Variants in RBFOX1 observed in about 807,000 individuals in gnomAD.
The protein encoded by RBFOX1 is RNA binding fox-1 homolog 1, also known as RNA binding protein fox-1 homolog 1.
In RBFOX1, 8 loss-of-function variants were observed where a neutral mutation model predicts 57.7. The observed-to-expected ratio is 0.14, with a 90% CI of 0.08 to 0.25. The LOEUF is 0.25. RBFOX1 is among the 10% of genes least tolerant of loss of function. RBFOX1 has a pLI of 1.00. For synonymous variants in RBFOX1, 326 were observed against 222.4 expected (o/e 1.47, Z -4.15); for missense variants, 611 against 548.5 (o/e 1.11, Z -1.14).
intron 4 of RBFOX1, among the ~76,000 whole-genome samples, chr16:7,311,908 G>A (rs918609473): frequency 6.6e-6 from 1 of 152,230 alleles, no homozygotes; most frequent in African/African-American, 2.4e-5. Context: ...AGCTGATCCA[G>A]CTGAATTGAG....
At chr16:5,502,359 A>C (rs905666366) in intron 2 of RBFOX1, among the ~76,000 whole-genome samples, 6 of 149,326 alleles carry the variant, frequency 4.0e-5, no homozygotes, top group Non-Finnish European at 7.5e-5. Context: ...TAAGGGTGGG[A>C]TGTGGACACT....
At chr16:5,686,283 T>C (rs1194180384) in intron 3 of RBFOX1, among the ~76,000 whole-genome samples, 1 of 152,130 alleles carries the variant, frequency 6.6e-6, no homozygotes, top group Admixed American at 6.6e-5. Context: ...TTATGGAGGA[T>C]GTTTAGTAAT....
At chr16:7,635,972 G>A (rs577303646) in intron 11 of RBFOX1, among the ~76,000 whole-genome samples, 15 of 152,112 alleles carry the variant, frequency 9.9e-5, no homozygotes, top group East Asian at 5.8e-4. Context: ...CACCATGCCC[G>A]GCTAATTTCT....
At chr16:5,466,564 A>G (rs2068960774) in intron 1 of RBFOX1, among the ~76,000 whole-genome samples, 1 of 152,158 alleles carries the variant, frequency 6.6e-6, no homozygotes, top group Non-Finnish European at 1.5e-5. Context: ...CTAGTTCAGG[A>G]GCTGGGGTGT....
intron 3 of RBFOX1, among the ~76,000 whole-genome samples, chr16:5,693,250 T>C (rs1327831547): frequency 2.0e-5 from 3 of 151,896 alleles, no homozygotes; most frequent in African/African-American, 7.3e-5. Context: ...AAGTAGGAGA[T>C]GAAAACTGTG....
chr16:6,574,910 C>T (rs1021148577), intron 2 of RBFOX1, among the ~76,000 whole-genome samples: 11 of 151,340 alleles, frequency 7.3e-5, no homozygotes, highest in Admixed American at 5.3e-4. Flanking sequence ...TGGTGGCGGG[C>T]GCCTGTAGTC....
In RBFOX1 at chr16:6,125,290, A is replaced by T. The variant is rs1039414402; in HGVS notation, c.-127+105298A>T. ...TAAATAATAAGTCACTAGATGGAGGAGGATAGAGATGGAGGAGAAGAAGAG... is the reference window on the plus strand; with the variant it reads ...TAAATAATAAGTCACTAGATGGAGGTGGATAGAGATGGAGGAGAAGAAGAG... On this transcript the variant is annotated intron_variant, in intron 1 of 15. Coordinates refer to ENST00000550418, the MANE Select transcript of RBFOX1 (RefSeq NM_018723.4). Among the ~76,000 whole-genome samples the T allele has an allele frequency of 2.0e-5, 3 of 152,164 alleles. 1 individual carries two copies. The South Asian group carries it at 6.2e-4, about 32-fold the overall frequency.
At chr16:7,313,289 C>G (rs966002222) in intron 4 of RBFOX1, among the ~76,000 whole-genome samples, 1 of 152,018 alleles carries the variant, frequency 6.6e-6, no homozygotes, top group Non-Finnish European at 1.5e-5. Context: ...CTTCCTTTTC[C>G]CCCTAAGGGT....
At chr16:7,616,561 CAATTTT>C (rs1446275600) in intron 10 of RBFOX1, among the ~76,000 whole-genome samples, 2 of 152,152 alleles carry the variant, frequency 1.3e-5, no homozygotes, top group African/African-American at 2.4e-5. Context: ...CATACAAAAA[CAATTTT>C]GTTTTTGTTT....
rs531048621 is a variant in RBFOX1 at position 5,878,270 on chromosome 16, C to T, written c.351+10935C>T. ...GTGGTTATAGCGGCAGCAGTGAGAACAGCCAGCAGTTATTAATGCTCACTG... is the reference window on the plus strand; with the variant it reads ...GTGGTTATAGCGGCAGCAGTGAGAATAGCCAGCAGTTATTAATGCTCACTG... On this transcript the variant is annotated intron_variant, in intron 4 of 19. Coordinates refer to the RBFOX1 transcript ENST00000641259. Among the ~76,000 whole-genome samples, 10 of 152,266 alleles carry T rather than the reference C, an allele frequency of 6.6e-5. No individual in the cohort carries two copies. The East Asian group carries it at 1.5e-3, about 24-fold the overall frequency.
chr16:7,266,473 C>T (rs1490331084), intron 4 of RBFOX1, among the ~76,000 whole-genome samples: 1 of 152,184 alleles, frequency 6.6e-6, no homozygotes, highest in Non-Finnish European at 1.5e-5. Flanking sequence ...GTCAATTAAA[C>T]CTCTTTTGTT....
At chr16:5,667,004 G>A (rs1276251959) in intron 3 of RBFOX1, among the ~76,000 whole-genome samples, 2 of 152,192 alleles carry the variant, frequency 1.3e-5, no homozygotes, top group Non-Finnish European at 1.5e-5. Flanking sequence ...GTTTTCCCAA[G>A]GGCTGCTTCC....
chr16:6,885,322 A>T (rs1421460419), intron 3 of RBFOX1, among the ~76,000 whole-genome samples: 1 of 152,162 alleles, frequency 6.6e-6, no homozygotes, highest in Non-Finnish European at 1.5e-5. Context: ...CTGAGTCAGA[A>T]GCTCTAGGGT....
chr16:7,333,922 T>G (rs993366387), intron 4 of RBFOX1, among the ~76,000 whole-genome samples: 1 of 152,174 alleles, frequency 6.6e-6, no homozygotes, highest in African/African-American at 2.4e-5. Context: ...ATAATTAGTT[T>G]TTTGAGTATA....
At chr16:6,622,584 C>G (rs1225115696) in intron 2 of RBFOX1, among the ~76,000 whole-genome samples, 2 of 152,018 alleles carry the variant, frequency 1.3e-5, no homozygotes, top group South Asian at 2.1e-4. Context: ...TGTATCCTGA[C>G]TCTTAAAGCA....
rs74381496 is a variant in RBFOX1 at position 6,705,189 on chromosome 16, G to A, written c.-16+50539G>A. ...GACCCAGCCCAGCCATTGCTCTATG[G>A]TTCCAAAGTCCTTTTAAATGAACAA... On this transcript the variant is annotated intron_variant, in intron 3 of 15. Coordinates refer to ENST00000550418, the MANE Select transcript of RBFOX1 (RefSeq NM_018723.4). 7.7e-3 allele frequency: 1,166 copies of A among 152,258 alleles called. 11 individuals carry two copies. The highest frequency in any genetic ancestry group is 0.017 in the Admixed American group (264 of 15,290). 9.4% of individuals were successfully genotyped at this position (152,258 alleles called of 1,614,324 possible).
At chr16:6,580,782 T>C (rs2097526248) in intron 2 of RBFOX1, among the ~76,000 whole-genome samples, 1 of 152,014 alleles carries the variant, frequency 6.6e-6, no homozygotes, top group Non-Finnish European at 1.5e-5. Context: ...AGCCCTGGAG[T>C]TTAGATTCAG....
rs6500836 is a variant in RBFOX1, at chr16:6,796,174, G to C, written c.-16+141524G>C. ...GGTGGCGGACAAGAGAAGAGAGCTT[G>C]TGCAGGGAAACTCCCATTTTTTAAA... On this transcript the variant is annotated intron_variant, in intron 3 of 15. Transcript: ENST00000550418. Among the ~76,000 whole-genome samples the C allele has an allele frequency of 4.7e-4, 72 of 151,898 alleles. 1 individual carries two copies. Among genetic ancestry groups the C allele is most frequent in the African/African-American group, 1.7e-3 (70 of 41,396 alleles).
intron 3 of RBFOX1, among the ~76,000 whole-genome samples, chr16:5,840,840 G>T (rs1279876233): frequency 6.6e-6 from 1 of 152,144 alleles, no homozygotes; most frequent in Non-Finnish European, 1.5e-5. Context: ...CAGTGTTGCC[G>T]AGAGCCAGTG....
Sources: allele counts gnomAD v4.1 joint callset (sites outside exome capture counted in the v4.1 genomes callset), GRCh38; gene constraint gnomAD v4.1.1; transcripts MANE v1.5; gene names NCBI Gene and HGNC (gene_info 2026-07-23, HGNC 2026-07-21).